The following EXOC5 variants were observed in gnomAD, a reference collection of about 807,000 sequenced individuals.
EXOC5 encodes the protein SEC10-like 1.
EXOC5 carries 17 observed loss-of-function variants against 90.8 expected under a neutral mutation model. The observed-to-expected ratio is 0.19, with a 90% CI of 0.13 to 0.28. EXOC5 has a LOEUF of 0.28. Among genes scored for constraint, EXOC5 ranks in the 10% least tolerant of loss-of-function variants. The pLI, the probability that EXOC5 is intolerant of heterozygous loss-of-function variation, is 1.00. For synonymous variants in EXOC5, 260 were observed against 270.0 expected (o/e 0.96, Z 0.36); for missense variants, 569 against 830.6 (o/e 0.69, Z 3.87).
At chr14:57,255,799 T>C (rs1313258197) in intron 1 of EXOC5, among the ~76,000 whole-genome samples, 1 of 142,520 alleles carries the variant, frequency 7.0e-6, no homozygotes, top group Admixed American at 7.4e-5. Context: ...ACCACTGTAC[T>C]CCAGCCTGGG....
intron 1 of EXOC5, among the ~76,000 whole-genome samples, chr14:57,259,212 TCTCAGCCTC>T: frequency 6.6e-6 from 1 of 152,164 alleles, no homozygotes; most frequent in Admixed American, 6.5e-5. Flanking sequence ...AAGTCTCATG[TCTCAGCCTC>T]CTGAGTAGCT....
chr14:57,243,437 C>T (rs779369774), intron 4 of EXOC5: 2 of 152,034 alleles, frequency 1.3e-5, no homozygotes, highest in Non-Finnish European at 2.9e-5. Context: ...TGGAGTAAAT[C>T]TGGAATAATT....
intron 15 of EXOC5, 89 bp downstream of exon 15, chr14:57,217,893 T>C: frequency 2.8e-6 from 2 of 710,046 alleles, no homozygotes. Flanking sequence ...AAGATAAATA[T>C]TTTTCTTCTC....
Position 57,206,553 on chromosome 14 carries a change from G to A in EXOC5, c.*2056C>T, listed in dbSNP as rs1882660523. 1.3e-5 allele frequency: 2 copies of A among 152,010 alleles called. No individual in the cohort carries two copies. Among genetic ancestry groups the A allele is most frequent in the South Asian group, 4.2e-4 (2 of 4,792 alleles). The allele number at this position is 152,010 out of a possible 1,614,324, so 9.4% of individuals were successfully genotyped here. A position where few individuals can be genotyped will look rare whatever the true frequency, so the allele number is the denominator to read the frequency against. On this transcript the variant is annotated 3_prime_UTR_variant, in exon 18 of 18. Coordinates refer to ENST00000621441, the MANE Select transcript of EXOC5 (RefSeq NM_006544.4). ...ATCATTTATAAAATTCAGGATGGAT[G>A]GCTCTAAAATATAAAAAGAGTGAAA...
chr14:57,237,629 T>G, intron 5 of EXOC5: 1 of 333,266 alleles, frequency 3.0e-6, no homozygotes, highest in South Asian at 6.8e-5. Flanking sequence ...GGTTCTCATT[T>G]AGGAAATTCA....
At chr14:57,223,801 T>C (rs1883224515) in intron 12 of EXOC5, among the ~76,000 whole-genome samples, 1 of 151,990 alleles carries the variant, frequency 6.6e-6, no homozygotes, top group Non-Finnish European at 1.5e-5. Flanking sequence ...ATGGACCATA[T>C]TCTGGGCTAA....
At chr14:57,221,099 G>A (rs1883124436) in intron 13 of EXOC5, among the ~76,000 whole-genome samples, 1 of 152,156 alleles carries the variant, frequency 6.6e-6, no homozygotes, top group Non-Finnish European at 1.5e-5. Flanking sequence ...TGGGAGAAGA[G>A]GGCTACTTTA....
chr14:57,233,865 C>T lies in EXOC5; in HGVS notation c.733G>A (p.Asp245Asn). Residue 245 changes from aspartate (D) to asparagine (N), a missense_variant, in exon 9 of 18, where the codon GAT (aspartate) becomes AAT (asparagine). Around this residue, in one of 9 missense-constraint regions of EXOC5, gnomAD observed 114 missense variants for 111.2 expected, o/e 1.03. Transcript: ENST00000621441. ...QCQEGAYLRNDIFEDAGILCQ... is the reference protein window; with the variant it reads ...QCQEGAYLRNNIFEDAGILCQ... ...AGTATTCCAGCGTCTTCAAATATAT[C>T]ATTTCTCAAATAAGCACCCTAAACA... 1.2e-6 allele frequency: 2 copies of T among 1,610,964 alleles called. No individual in the cohort carries two copies. The highest frequency in any genetic ancestry group is 1.7e-6 in the Non-Finnish European group (2 of 1,177,624).
intron 11 of EXOC5, among the ~76,000 whole-genome samples, chr14:57,231,031 C>T (rs1385732109): frequency 2.1e-4 from 31 of 144,858 alleles, no homozygotes; most frequent in African/African-American, 7.2e-4. Flanking sequence ...TTTTTTGACA[C>T]GGAGTCTTGC....
At position 57,200,748 on chromosome 14, in the gene EXOC5, TCAC is replaced by T. The variant is rs1882475858; in HGVS notation, c.*7858_*7860del. On this transcript the variant is annotated 3_prime_UTR_variant, in exon 18 of 18. Transcript: ENST00000621441. ...CCTCAATTCAGCTTTACTAATTTGC[TCAC>T]TACATTAAAAAAAAAAAAAAAAAAC... The T allele has an allele frequency of 1.5e-5, 2 of 134,680 alleles. No individual in the cohort carries two copies. The highest frequency in any genetic ancestry group is 3.4e-5 in the African/African-American group (1 of 29,164). 8.3% of individuals were successfully genotyped at this position (134,680 alleles called of 1,614,324 possible).
intron 15 of EXOC5, among the ~76,000 whole-genome samples, chr14:57,210,987 A>G (rs926178224): frequency 6.6e-6 from 1 of 152,082 alleles, no homozygotes; most frequent in Non-Finnish European, 1.5e-5. Flanking sequence ...AGAAAGCAGG[A>G]CCTCTTTGGA....
chr14:57,251,358 T>C (rs1232410037), intron 1 of EXOC5, among the ~76,000 whole-genome samples: 1 of 152,206 alleles, frequency 6.6e-6, no homozygotes, highest in Non-Finnish European at 1.5e-5. Flanking sequence ...ATAAAGAGGC[T>C]GGTGGCCTTT....
intron 12 of EXOC5, among the ~76,000 whole-genome samples, chr14:57,224,423 G>A (rs951674925): frequency 3.3e-5 from 5 of 152,084 alleles, no homozygotes; most frequent in African/African-American, 1.2e-4. Flanking sequence ...CTATTAAAAG[G>A]ATAAGAAAAT....
intron 1 of EXOC5, among the ~76,000 whole-genome samples, chr14:57,252,119 T>C (rs1274333936): frequency 6.6e-6 from 1 of 152,190 alleles, no homozygotes; most frequent in Non-Finnish European, 1.5e-5. Flanking sequence ...TGTTGAATTT[T>C]GCTAAACATT....
In EXOC5 at chr14:57,268,843, C is replaced by G. The variant is rs1001033987; in HGVS notation, c.-195G>C. On this transcript the variant is annotated 5_prime_UTR_variant, in exon 1 of 18. Coordinates refer to ENST00000621441, the MANE Select transcript of EXOC5 (RefSeq NM_006544.4). ...AAGCGAAGCCGCAAACGCTTGTCAG[C>G]TGCCTCCCGGCGCCGCCCGCGCTGC... The G allele has an allele frequency of 7.4e-7, 1 of 1,359,082 alleles. No individual in the cohort carries two copies. The highest frequency in any genetic ancestry group is 9.5e-7 in the Non-Finnish European group (1 of 1,048,678). 84.2% of individuals were successfully genotyped at this position (1,359,082 alleles called of 1,614,324 possible). A position where few individuals can be genotyped will look rare whatever the true frequency, so the allele number is the denominator to read the frequency against.
At chr14:57,266,635 C>G (rs1311491559) in intron 1 of EXOC5, among the ~76,000 whole-genome samples, 2 of 151,790 alleles carry the variant, frequency 1.3e-5, no homozygotes, top group Non-Finnish European at 2.9e-5. Flanking sequence ...TCTATTATCA[C>G]AGAATCTTAC....
intron 15 of EXOC5, among the ~76,000 whole-genome samples, chr14:57,216,883 G>A (rs960874575): frequency 6.6e-6 from 1 of 152,062 alleles, no homozygotes; most frequent in Non-Finnish European, 1.5e-5. Context: ...TCTCAGAGGT[G>A]TTTAACACTC....
chr14:57,232,504 A>G, intron 10 of EXOC5, 163 bp downstream of exon 10: 1 of 394,866 alleles, frequency 2.5e-6, no homozygotes, highest in Non-Finnish European at 4.5e-6. Context: ...AATGTTGTAC[A>G]ATACAGTCTT....
rs757304111 is a variant in EXOC5, at chr14:57,234,047, C to T, written c.670-15G>A. The stretch of plus-strand genomic sequence containing the variant: ...TGGGAATAACCCTACAAGGAAGAAA[C>T]ACATTGTTATTATTCTGATTCAATT... On this transcript the variant is annotated splice_polypyrimidine_tract_variant and intron_variant, in intron 7 of 17. Transcript: ENST00000621441. 3 of 1,546,476 alleles carry T rather than the reference C, an allele frequency of 1.9e-6. No homozygotes were observed. Among genetic ancestry groups the T allele is most frequent in the Non-Finnish European group, 2.7e-6 (3 of 1,120,672 alleles).
Sources: allele counts gnomAD v4.1 joint callset (sites outside exome capture counted in the v4.1 genomes callset), GRCh38; gene constraint gnomAD v4.1.1; regional missense constraint gnomAD v4.1.1; transcripts MANE v1.5; gene names NCBI Gene and HGNC (gene_info 2026-07-23, HGNC 2026-07-21).